The following FGF13 variants were observed in gnomAD, a reference collection of about 807,000 sequenced individuals.
FGF13 encodes fibroblast growth factor homologous factor 2.
A neutral mutation model predicts 19.5 loss-of-function variants in FGF13; 2 were observed. That is an observed-to-expected ratio of 0.10 (90% CI 0.04 to 0.32). The LOEUF is 0.32. Ranked by LOEUF, FGF13 falls within the 10% of genes least tolerant of loss-of-function variation. The pLI, the probability that FGF13 is intolerant of heterozygous loss-of-function variation, is 1.00. For synonymous variants in FGF13, 72 were observed against 76.9 expected (o/e 0.94, Z 0.33); for missense variants, 113 against 192.7 (o/e 0.59, Z 2.45).
intron 1 of FGF13, among the ~76,000 whole-genome samples, chrX:138,911,380 C>T (rs148939113): frequency 1.4e-3 from 151 of 109,606 alleles, no homozygotes; most frequent in African/African-American, 4.9e-3. Flanking sequence ...CTAAATACCA[C>T]ATGTTCTCAC....
chrX:138,897,858 AATT>A (rs987122809), intron 1 of FGF13, among the ~76,000 whole-genome samples: 2 of 111,364 alleles, frequency 1.8e-5, no homozygotes, highest in Non-Finnish European at 3.8e-5. Flanking sequence ...TCTGAATCAG[AATT>A]ATTATCTCTG....
At chrX:138,933,666 T>C (rs2091716622) in intron 1 of FGF13, among the ~76,000 whole-genome samples, 1 of 111,796 alleles carries the variant, frequency 8.9e-6, no homozygotes, top group African/African-American at 3.2e-5. Flanking sequence ...TAGCATTGGC[T>C]TCCGAATTGG....
upstream of FGF13, chrX:139,204,349 G>C (rs1054387550): frequency 3.3e-6 from 1 of 298,624 alleles, no homozygotes; most frequent in African/African-American, 2.8e-5. Flanking sequence ...GATCCCGAGC[G>C]GCCGGCCGCG....
chrX:138,858,695 T>C (rs1366018062), intron 2 of FGF13, among the ~76,000 whole-genome samples: 3 of 110,651 alleles, frequency 2.7e-5, no homozygotes, highest in Admixed American at 9.7e-5. Flanking sequence ...TTAACACGCA[T>C]GTAGGAGGAC....
intron 3 of FGF13, among the ~76,000 whole-genome samples, chrX:138,755,338 T>A (rs1034930368): frequency 8.0e-5 from 9 of 112,156 alleles, no homozygotes; most frequent in African/African-American, 2.9e-4. Flanking sequence ...TTAATCAAAG[T>A]CTATACTTAC....
intron 1 of FGF13, among the ~76,000 whole-genome samples, chrX:138,908,883 T>C (rs2091573137): frequency 8.9e-6 from 1 of 112,321 alleles, no homozygotes; most frequent in African/African-American, 3.2e-5. Context: ...TGAAGCAATG[T>C]CTTTATTTCA....
chrX:138,833,499 C>T (rs965918957), intron 3 of FGF13, among the ~76,000 whole-genome samples: 1 of 111,936 alleles, frequency 8.9e-6, no homozygotes, highest in Non-Finnish European at 1.9e-5. Context: ...GAATTTTGCA[C>T]ACTGATTTTG....
chrX:139,100,241 G>T (rs1359436832), intron 1 of FGF13, among the ~76,000 whole-genome samples: 2 of 111,190 alleles, frequency 1.8e-5, no homozygotes, highest in African/African-American at 6.6e-5. Flanking sequence ...ATGTACAACA[G>T]GCCACAAACC....
At chrX:139,187,865 GT>G (rs2084294226) in intron 1 of FGF13, among the ~76,000 whole-genome samples, 1 of 112,025 alleles carries the variant, frequency 8.9e-6, no homozygotes, top group Admixed American at 9.4e-5. Flanking sequence ...GACTATCCAC[GT>G]AACTAAGGTG....
intron 1 of FGF13, among the ~76,000 whole-genome samples, chrX:139,029,252 G>A (rs1004430819): frequency 1.8e-5 from 2 of 111,864 alleles, no homozygotes; most frequent in African/African-American, 6.5e-5. Flanking sequence ...TCAGCAAGCC[G>A]TGAAAGCCAA....
intron 1 of FGF13, among the ~76,000 whole-genome samples, chrX:138,911,675 G>A (rs148173753): frequency 0.012 from 1,321 of 111,488 alleles, 28 homozygotes; most frequent in African/African-American, 0.041. Flanking sequence ...GTATTTGCTC[G>A]TTCTCCCAAC....
intron 3 of FGF13, among the ~76,000 whole-genome samples, chrX:138,756,717 G>T (rs1331742789): frequency 1.8e-5 from 2 of 111,576 alleles, no homozygotes; most frequent in African/African-American, 6.5e-5. Context: ...CTGCCTGGGG[G>T]ACAATTGTAC....
rs1400053087 is a variant in FGF13, at chrX:138,619,779, C to T, written c.*13071G>A. On this transcript the variant is annotated 3_prime_UTR_variant, in exon 5 of 5. Transcript: ENST00000315930. ...AACCACAAGGAGATACCATCTCATG[C>T]CAGTCACAATGGTGATTATTAAAAA... 8.9e-6 allele frequency: 1 copy of T among 111,882 alleles called. No individual in the cohort carries two copies. The highest frequency in any genetic ancestry group is 3.3e-5 in the African/African-American group (1 of 30,764). 9.2% of individuals were successfully genotyped at this position (111,882 alleles called of 1,213,427 possible).
intron 3 of FGF13, among the ~76,000 whole-genome samples, chrX:138,672,840 T>TA (rs1490450505): frequency 5.4e-5 from 6 of 110,619 alleles, no homozygotes; most frequent in Non-Finnish European, 9.5e-5. Context: ...AAAGAACCAA[T>TA]AAAGGAGACT....
chrX:138,984,576 AAGAAGAAGAAGAAGGAGGAGGAGG>A (rs1569436152), intron 1 of FGF13, among the ~76,000 whole-genome samples: 1 of 53,547 alleles, frequency 1.9e-5, no homozygotes, highest in African/African-American at 7.3e-5. Flanking sequence ...GAAGAAGAAG[AAGAAGAAGAAGAAGGAGGAGGAGG>A]AGGAGGAGGA....
At chrX:138,795,513 ACAG>A (rs899482901) in intron 3 of FGF13, among the ~76,000 whole-genome samples, 7 of 112,064 alleles carry the variant, frequency 6.2e-5, no homozygotes, top group African/African-American at 2.3e-4. Flanking sequence ...TCAGGAACAC[ACAG>A]CCTATGTTGG....
At chrX:138,853,608 T>C (rs747697117), downstream of FGF13, among the ~76,000 whole-genome samples, 41 of 87,643 alleles carry the variant, frequency 4.7e-4, no homozygotes, top group Non-Finnish European at 1.1e-4. Context: ...AATGTGTGTG[T>C]GTGTGCGTGT....
intron 1 of FGF13, among the ~76,000 whole-genome samples, chrX:139,128,517 G>A (rs1045899438): frequency 8.9e-6 from 1 of 112,041 alleles, no homozygotes; most frequent in African/African-American, 3.2e-5. Context: ...TTCCTGGTCT[G>A]GCCTCTGCCT....
At chrX:138,686,495 C>T (rs2089783916) in intron 3 of FGF13, among the ~76,000 whole-genome samples, 1 of 111,584 alleles carries the variant, frequency 9.0e-6, no homozygotes, top group Non-Finnish European at 1.9e-5. Flanking sequence ...AGGTTCAGGG[C>T]TCTGAGACAT....
Sources: allele counts gnomAD v4.1 joint callset (sites outside exome capture counted in the v4.1 genomes callset), GRCh38; gene constraint gnomAD v4.1.1; transcripts MANE v1.5; gene names NCBI Gene and HGNC (gene_info 2026-07-23, HGNC 2026-07-21).